The following RAB38 variants were observed in gnomAD, a reference collection of about 807,000 sequenced individuals.
The protein encoded by RAB38 is ras-related protein Rab-38.
In RAB38, 15 loss-of-function variants were observed where a neutral mutation model predicts 18.4. The observed-to-expected ratio is 0.82, with a 90% CI of 0.55 to 1.26. The LOEUF (loss-of-function observed/expected upper bound fraction) is 1.26, where lower values mean the gene tolerates loss of function less well. RAB38 is among the 50% of genes most tolerant of loss of function. The probability of loss-of-function intolerance (pLI) is 0.00; values close to 1 mark genes in which losing one functional copy is unlikely to be tolerated. For missense variants in RAB38, 294 were observed against 267.4 expected, an observed-to-expected ratio of 1.10 and a Z score of -0.69; for synonymous variants, 101 against 104.4, an observed-to-expected ratio of 0.97 and a Z score of 0.20.
At chr11:88,065,591 A>G in the RAB38 span, among the ~76,000 whole-genome samples, 1 of 152,236 alleles carries the variant, frequency 6.6e-6, no homozygotes, top group African/African-American at 2.4e-5. Context: ...GTAGCTAAAG[A>G]GGCCTGAATA....
the RAB38 span, among the ~76,000 whole-genome samples, chr11:88,003,673 A>G: frequency 0.77 from 906 of 1,182 alleles, 356 homozygotes; most frequent in South Asian, 0.89. Context: ...ATAATATATT[A>G]TATATATTAT....
At chr11:88,003,669 T>G in the RAB38 span, among the ~76,000 whole-genome samples, 1 of 6,074 alleles carries the variant, frequency 1.6e-4, no homozygotes, top group African/African-American at 7.3e-4. Flanking sequence ...ATATATAATA[T>G]ATTATATATA....
At chr11:87,816,731 G>A in the RAB38 span, among the ~76,000 whole-genome samples, 2 of 152,006 alleles carry the variant, frequency 1.3e-5, no homozygotes, top group Non-Finnish European at 2.9e-5. Flanking sequence ...GGGAGATCCT[G>A]TATCCTATAG....
chr11:88,047,129 A>G, the RAB38 span, among the ~76,000 whole-genome samples: 1 of 152,016 alleles, frequency 6.6e-6, no homozygotes. Flanking sequence ...AACTTCCAAA[A>G]TCTATTTTCT....
the RAB38 span, among the ~76,000 whole-genome samples, chr11:88,041,902 C>G: frequency 6.6e-6 from 1 of 152,084 alleles, no homozygotes; most frequent in Admixed American, 6.6e-5. Context: ...GCTCAGCCTC[C>G]CCTCATCCTG....
At chr11:87,972,992 C>G in the RAB38 span, among the ~76,000 whole-genome samples, 1 of 151,926 alleles carries the variant, frequency 6.6e-6, no homozygotes, top group African/African-American at 2.4e-5. Flanking sequence ...CTTCCTTCTG[C>G]TCTGCCCATG....
the RAB38 span, among the ~76,000 whole-genome samples, chr11:88,024,470 T>C: frequency 6.6e-6 from 1 of 152,164 alleles, no homozygotes. Context: ...TGAAGAACAC[T>C]TTAGAGGTTC....
chr11:87,818,051 A>G, the RAB38 span, among the ~76,000 whole-genome samples: 2 of 152,200 alleles, frequency 1.3e-5, no homozygotes, highest in Admixed American at 6.5e-5. Flanking sequence ...CTTTTGTCCC[A>G]TACTATTTCT....
At chr11:87,977,846 A>AAC in the RAB38 span, among the ~76,000 whole-genome samples, 71 of 109,574 alleles carry the variant, frequency 6.5e-4, no homozygotes, top group Admixed American at 3.4e-3. Context: ...CATGTATATT[A>AAC]ATGGATAGTA....
chr11:87,905,309 T>G, the RAB38 span, among the ~76,000 whole-genome samples: 7 of 151,726 alleles, frequency 4.6e-5, no homozygotes, highest in African/African-American at 1.7e-4. Flanking sequence ...TTATAATAGC[T>G]ATTTTGTGTC....
At chr11:88,013,426 G>A in the RAB38 span, among the ~76,000 whole-genome samples, 1 of 152,120 alleles carries the variant, frequency 6.6e-6, no homozygotes, top group South Asian at 2.1e-4. Flanking sequence ...GTGACTTCAT[G>A]ATTGCTTTTT....
the RAB38 span, among the ~76,000 whole-genome samples, chr11:88,027,574 C>T: frequency 1.8e-4 from 28 of 152,362 alleles, no homozygotes; most frequent in South Asian, 1.9e-3. Flanking sequence ...GATTATATCC[C>T]GCAACTGGCT....
chr11:87,855,170 G>C, the RAB38 span, among the ~76,000 whole-genome samples: 30,119 of 152,004 alleles, frequency 0.2, 3,823 homozygotes, highest in African/African-American at 0.34. Flanking sequence ...AAGAAAATTT[G>C]TTTATTAGTA....
the RAB38 span, among the ~76,000 whole-genome samples, chr11:87,945,932 C>G: frequency 6.6e-6 from 1 of 152,100 alleles, no homozygotes; most frequent in Non-Finnish European, 1.5e-5. Context: ...TTTATTATTT[C>G]TAATTTTCAC....
chr11:88,093,756 T>A, the RAB38 span, among the ~76,000 whole-genome samples: 1 of 151,910 alleles, frequency 6.6e-6, no homozygotes, highest in Non-Finnish European at 1.5e-5. Flanking sequence ...CTTCAATCCA[T>A]CTTTCAGCCC....
the RAB38 span, among the ~76,000 whole-genome samples, chr11:87,947,233 G>C: frequency 8.7e-6 from 1 of 114,342 alleles, no homozygotes; most frequent in Non-Finnish European, 1.8e-5. Context: ...CTTTTTGATG[G>C]GGTTGTTTTT....
At chr11:87,946,476 G>C in the RAB38 span, among the ~76,000 whole-genome samples, 2 of 152,058 alleles carry the variant, frequency 1.3e-5, no homozygotes, top group Admixed American at 6.6e-5. Flanking sequence ...TGCCATGTTG[G>C]TGTGCTGCAC....
At chr11:87,876,236 G>C in the RAB38 span, among the ~76,000 whole-genome samples, 45,289 of 151,374 alleles carry the variant, frequency 0.3, 8,681 homozygotes, top group African/African-American at 0.53. Context: ...GATCAACTAC[G>C]ACATTCATGC....
chr11:87,850,206 A>T, the RAB38 span, among the ~76,000 whole-genome samples: 4 of 152,084 alleles, frequency 2.6e-5, no homozygotes, highest in Non-Finnish European at 4.4e-5. Context: ...AAGTACCAAA[A>T]CATTGATTCA....
Sources: gnomAD v4.1 joint callset for allele counts (sites outside exome capture counted in the v4.1 genomes callset) on GRCh38, gnomAD v4.1.1 for gene constraint, MANE v1.5 for transcripts, NCBI Gene and HGNC (gene_info 2026-07-23, HGNC 2026-07-21) for gene names.